SLC27A2: variants seen among roughly 807,000 people sequenced by gnomAD.
SLC27A2 encodes solute carrier family 27 member 2.
In SLC27A2, 54 loss-of-function variants were observed where a neutral mutation model predicts 60.0. The observed-to-expected ratio is 0.90, with a 90% CI of 0.72 to 1.13. The LOEUF (loss-of-function observed/expected upper bound fraction) is 1.13. SLC27A2 is among the 50% of genes most tolerant of loss of function. The probability of loss-of-function intolerance (pLI) is 0.00; values close to 1 mark genes in which losing one functional copy is unlikely to be tolerated. For synonymous variants in SLC27A2, 297 were observed against 297.6 expected, an observed-to-expected ratio of 1.00 and a Z score of 0.02; for missense variants, 739 against 777.6, an observed-to-expected ratio of 0.95 and a Z score of 0.59.
chr15:50,220,500 G>A (rs1482837867), intron 4 of SLC27A2, among the ~76,000 whole-genome samples: 1 of 152,206 alleles, frequency 6.6e-6, no homozygotes, highest in Admixed American at 6.5e-5. Flanking sequence ...GGCTGCTGGC[G>A]GGCTGCATGT....
At chr15:50,221,142 C>T (rs755391241) in intron 4 of SLC27A2, among the ~76,000 whole-genome samples, 12 of 151,932 alleles carry the variant, frequency 7.9e-5, no homozygotes, top group Admixed American at 1.3e-4. Context: ...GGAGTTAAGG[C>T]TGCAGTAAGC....
intron 5 of SLC27A2, among the ~76,000 whole-genome samples, chr15:50,225,018 A>G (rs192340840): frequency 6.6e-6 from 1 of 152,350 alleles, no homozygotes; most frequent in Admixed American, 6.5e-5. Context: ...AAAACTTTAA[A>G]AACCGGATGA....
At chr15:50,227,229 C>G in intron 7 of SLC27A2, 51 bp downstream of exon 7, 1 of 1,457,886 alleles carries the variant, frequency 6.9e-7, no homozygotes, top group Non-Finnish European at 9.6e-7. Context: ...CACAGTTTGG[C>G]TTACTCCTAG....
At chr15:50,227,979 C>T (rs1023354828) in intron 7 of SLC27A2, among the ~76,000 whole-genome samples, 1 of 152,292 alleles carries the variant, frequency 6.6e-6, no homozygotes, top group Admixed American at 6.5e-5. Context: ...ATGTGGGTCA[C>T]GATGATTCTC....
intron 4 of SLC27A2, among the ~76,000 whole-genome samples, chr15:50,210,963 C>A (rs182034510): frequency 6.6e-6 from 1 of 152,286 alleles, no homozygotes; most frequent in African/African-American, 2.4e-5. Flanking sequence ...CCCCATCCCC[C>A]ACAGCAGCCA....
intron 2 of SLC27A2, among the ~76,000 whole-genome samples, chr15:50,201,368 ACTGCAGCATCAT>A (rs1374849693): frequency 6.6e-6 from 1 of 152,198 alleles, no homozygotes. Flanking sequence ...GAGCTTCTTC[ACTGCAGCATCAT>A]TTATAACAGC....
In SLC27A2 at chr15:50,197,625, T is replaced by G; in HGVS notation, c.604T>G (p.Ser202Ala). The change falls in exon 2 of 10, where the codon TCA (serine) becomes GCA (alanine). Residue 202 changes from serine (S) to alanine (A), a missense_variant. By Grantham distance (99) the Ser-to-Ala change is moderately conservative (BLOSUM62 1). Coordinates refer to ENST00000267842, the MANE Select transcript of SLC27A2 (RefSeq NM_003645.4). Reference sequence around the variant, plus strand: ...TTTCCTGGACAAAGTGGATGAAGTATCAACTGAACCTATCCCAGAGTCATG... The same window carrying G: ...TTTCCTGGACAAAGTGGATGAAGTAGCAACTGAACCTATCCCAGAGTCATG... Reference protein sequence around the residue: ...DSFLDKVDEVSTEPIPESWRS... With the variant: ...DSFLDKVDEVATEPIPESWRS... The G allele has an allele frequency of 6.2e-7, 1 of 1,614,100 alleles. No homozygotes were observed. Among genetic ancestry groups the G allele is most frequent in the African/African-American group, 1.3e-5 (1 of 75,044 alleles).
chr15:50,208,415 T>G (rs1312498713), intron 4 of SLC27A2, among the ~76,000 whole-genome samples: 1 of 152,180 alleles, frequency 6.6e-6, no homozygotes, highest in Non-Finnish European at 1.5e-5. Context: ...ATAGTTAACC[T>G]CTCTAAATCT....
chr15:50,191,880 T>C (rs1392150145), intron 1 of SLC27A2, among the ~76,000 whole-genome samples: 3 of 151,912 alleles, frequency 2.0e-5, no homozygotes, highest in African/African-American at 7.3e-5. Flanking sequence ...GCCAAATTGG[T>C]GAAACCCCAT....
In SLC27A2 at chr15:50,196,077, AAT is replaced by A. The variant is rs58819609; in HGVS notation, c.479-1376_479-1375del. Among the ~76,000 whole-genome samples, 50 of 15,422 alleles carry A rather than the reference AAT, an allele frequency of 3.2e-3. 2 individuals are homozygous for A. The highest frequency in any genetic ancestry group is 8.5e-3 in the African/African-American group (33 of 3,902). 10.1% of individuals were successfully genotyped at this position (15,422 alleles called of 152,430 possible). ...TCAAAAAAAAAAAAAAAAAAAAAAA[AAT>A]ATATATATATATATATATATATATA... On this transcript the variant is annotated intron_variant, in intron 1 of 9. Coordinates refer to ENST00000267842, the MANE Select transcript of SLC27A2 (RefSeq NM_003645.4).
chr15:50,213,898 G>C (rs900635951), intron 4 of SLC27A2, among the ~76,000 whole-genome samples: 4 of 151,680 alleles, frequency 2.6e-5, no homozygotes, highest in Non-Finnish European at 1.5e-5. Flanking sequence ...CACACCTCAA[G>C]AAACTAGAGA....
At chr15:50,202,337 A>G (rs2045071342) in intron 2 of SLC27A2, 150 bp from the exon 3 acceptor site, 3 of 700,794 alleles carry the variant, frequency 4.3e-6, no homozygotes, top group African/African-American at 1.8e-5. Flanking sequence ...TATAGAAAAC[A>G]TTTGTCAACT....
chr15:50,197,665 C>T lies in SLC27A2; in HGVS notation c.644C>T (p.Thr215Ile), dbSNP rs377705452. The change falls in exon 2 of 10, where the codon ACT (threonine) becomes ATT (isoleucine). Residue 215 changes from threonine to isoleucine, a missense_variant. Transcript: ENST00000267842. Reference sequence around the variant, plus strand: ...CCAGAGTCATGGAGGTCTGAAGTCACTTTTTCCACTCCTGCCTTATACATT... The same window carrying T: ...CCAGAGTCATGGAGGTCTGAAGTCATTTTTTCCACTCCTGCCTTATACATT... ...PIPESWRSEVTFSTPALYIYT... is the reference protein window; with the variant it reads ...PIPESWRSEVIFSTPALYIYT... The T allele has an allele frequency of 6.2e-7, 1 of 1,614,036 alleles. No individual in the cohort carries two copies.
At chr15:50,199,108 G>T (rs2045045666) in intron 2 of SLC27A2, among the ~76,000 whole-genome samples, 1 of 151,894 alleles carries the variant, frequency 6.6e-6, no homozygotes, top group African/African-American at 2.4e-5. Flanking sequence ...GCTGCATGCA[G>T]ACACTCCCTT....
At chr15:50,203,884 T>C (rs759920956) in intron 3 of SLC27A2, among the ~76,000 whole-genome samples, 5 of 151,914 alleles carry the variant, frequency 3.3e-5, no homozygotes, top group East Asian at 1.9e-4. Context: ...ATGATGACCA[T>C]CCCCAAACCA....
At chr15:50,217,243 T>A (rs948563704) in intron 4 of SLC27A2, among the ~76,000 whole-genome samples, 1 of 152,010 alleles carries the variant, frequency 6.6e-6, no homozygotes, top group South Asian at 2.1e-4. Context: ...CAAGAACTTA[T>A]GGAAAAATAA....
In SLC27A2 at chr15:50,182,242, C is replaced by G; in HGVS notation, c.-186C>G. 1.0e-6 allele frequency: 1 copy of G among 986,208 alleles called. No homozygotes were observed. The highest frequency in any genetic ancestry group is 1.3e-6 in the Non-Finnish European group (1 of 755,282). The allele number at this position is 986,208 out of a possible 1,614,324, so 61.1% of individuals were successfully genotyped here. On this transcript the variant is annotated 5_prime_UTR_variant, in exon 1 of 10. Transcript: ENST00000267842. ...CAACGCGCATACGACTACACCTGCT[C>G]CGGAGCCCGCGGCGGTACCTGCAGC...
chr15:50,205,288 T>C lies in SLC27A2; in HGVS notation c.897T>C (p.Asp299=), dbSNP rs1050039626. Residue 299 remains aspartate, a synonymous_variant, in exon 4 of 10, where the codon GAT becomes GAC. Transcript: ENST00000267842. ...AATTTTCAGCCAGCCAGTTTTGGGA[T>C]GACTGCAGAAAATACAACGTCACTG... ...RTKFSASQFW[D]DCRKYNVTVI... 6.2e-7 allele frequency: 1 copy of C among 1,609,858 alleles called. No homozygotes were observed. The highest frequency in any genetic ancestry group is 1.3e-5 in the African/African-American group (1 of 74,878).
At chr15:50,198,290 A>G (rs1228107078) in intron 2 of SLC27A2, 2 of 152,010 alleles carry the variant, frequency 1.3e-5, no homozygotes, top group Non-Finnish European at 2.9e-5. Context: ...AACACTGCCA[A>G]TTAACAATGT....
Sources: gnomAD v4.1 joint callset for allele counts (sites outside exome capture counted in the v4.1 genomes callset) on GRCh38, gnomAD v4.1.1 for gene constraint, MANE v1.5 for transcripts, NCBI Gene and HGNC (gene_info 2026-07-23, HGNC 2026-07-21) for gene names.